PARP8: variants seen among roughly 807,000 people sequenced by gnomAD.
PARP8 encodes protein mono-ADP-ribosyltransferase PARP8.
In PARP8, 51 loss-of-function variants were observed where a neutral mutation model predicts 124.1. The ratio of observed to expected loss-of-function variants is 0.41; its 90% CI spans 0.33 to 0.52. The LOEUF (loss-of-function observed/expected upper bound fraction) is 0.52, where lower values mean the gene tolerates loss of function less well. Among genes scored for constraint, PARP8 ranks in the 20% least tolerant of loss-of-function variants. The probability of loss-of-function intolerance (pLI) is 0.21; values close to 1 mark genes in which losing one functional copy is unlikely to be tolerated. For synonymous variants in PARP8, 391 were observed against 361.5 expected (o/e 1.08, Z -0.93); for missense variants, 860 against 1,018.9 (o/e 0.84, Z 2.12).
At chr5:50,767,297 G>T (rs1296440759) in intron 7 of PARP8, among the ~76,000 whole-genome samples, 2 of 152,114 alleles carry the variant, frequency 1.3e-5, no homozygotes, top group East Asian at 3.9e-4. Flanking sequence ...ATCAAAAAAA[G>T]ATCTTGGATT....
At chr5:50,741,231 T>G (rs1294894189) in intron 2 of PARP8, among the ~76,000 whole-genome samples, 1 of 152,144 alleles carries the variant, frequency 6.6e-6, no homozygotes, top group Non-Finnish European at 1.5e-5. Context: ...GAAATAATAT[T>G]TATATAATTA....
At chr5:50,831,864 A>G (rs1747024873) in intron 22 of PARP8, among the ~76,000 whole-genome samples, 1 of 152,170 alleles carries the variant, frequency 6.6e-6, no homozygotes, top group Non-Finnish European at 1.5e-5. Context: ...ATCTAAAACA[A>G]ATGTAAGAAT....
At chr5:50,754,188 T>TAA in intron 3 of PARP8, among the ~76,000 whole-genome samples, 1 of 128,824 alleles carries the variant, frequency 7.8e-6, no homozygotes, top group Non-Finnish European at 1.6e-5. Flanking sequence ...CACATATATA[T>TAA]ATATTTTATT....
At chr5:50,675,984 A>G (rs1750589496) in intron 2 of PARP8, among the ~76,000 whole-genome samples, 1 of 152,226 alleles carries the variant, frequency 6.6e-6, no homozygotes, top group African/African-American at 2.4e-5. Flanking sequence ...GCATTTCCCA[A>G]ACTGTTTAAT....
intron 2 of PARP8, among the ~76,000 whole-genome samples, chr5:50,681,125 T>C (rs1751244031): frequency 6.6e-6 from 1 of 152,200 alleles, no homozygotes; most frequent in African/African-American, 2.4e-5. Flanking sequence ...TGGATATAAC[T>C]AGAAGAATCA....
intron 2 of PARP8, among the ~76,000 whole-genome samples, chr5:50,747,423 G>A (rs891995611): frequency 3.3e-5 from 5 of 151,570 alleles, no homozygotes; most frequent in Non-Finnish European, 7.4e-5. Flanking sequence ...ATGAAAATCA[G>A]TTTCAAATAT....
intron 2 of PARP8, among the ~76,000 whole-genome samples, chr5:50,691,661 GTTC>G (rs1234863479): frequency 6.6e-6 from 1 of 152,004 alleles, no homozygotes; most frequent in African/African-American, 2.4e-5. Flanking sequence ...TAACTCTGTT[GTTC>G]TTCTGTAATC....
intron 5 of PARP8, 130 bp downstream of exon 5, chr5:50,760,492 C>A: frequency 1.4e-6 from 1 of 714,146 alleles, no homozygotes; most frequent in Non-Finnish European, 2.0e-6. Context: ...AAGCTAATGG[C>A]TCAGGGGTGT....
chr5:50,843,614 A>T lies in PARP8; in HGVS notation c.*1546A>T, dbSNP rs1312436536. ...TTAATCATTTTGATAGTATCTACTT[A>T]AAGCATTGATCTGTTTTGACTTGTG... On this transcript the variant is annotated 3_prime_UTR_variant, in exon 26 of 26. Transcript: ENST00000281631. 6.6e-6 allele frequency: 1 copy of T among 151,766 alleles called. No homozygotes were observed. The highest frequency in any genetic ancestry group is 1.5e-5 in the Non-Finnish European group (1 of 67,820). The allele number at this position is 151,766 out of a possible 1,614,324, so 9.4% of individuals were successfully genotyped here. A position where few individuals can be genotyped will look rare whatever the true frequency, so the allele number is the denominator to read the frequency against.
intron 2 of PARP8, among the ~76,000 whole-genome samples, chr5:50,674,855 A>G (rs1178921882): frequency 6.6e-6 from 1 of 152,240 alleles, no homozygotes; most frequent in Non-Finnish European, 1.5e-5. Flanking sequence ...TGTTCATTAG[A>G]ATACATAACG....
chr5:50,749,945 T>C (rs759735698), intron 2 of PARP8, among the ~76,000 whole-genome samples: 3 of 152,112 alleles, frequency 2.0e-5, no homozygotes, highest in Non-Finnish European at 4.4e-5. Context: ...CTAAGACCCA[T>C]TTAGACTAAT....
chr5:50,811,984 G>C (rs1167373888), intron 14 of PARP8, among the ~76,000 whole-genome samples: 1 of 152,040 alleles, frequency 6.6e-6, no homozygotes, highest in South Asian at 2.1e-4. Flanking sequence ...AATCCAGTCT[G>C]TCATTGATGG....
At chr5:50,680,160 A>ATAC (rs1388000186) in intron 2 of PARP8, among the ~76,000 whole-genome samples, 2 of 152,282 alleles carry the variant, frequency 1.3e-5, no homozygotes, top group East Asian at 3.9e-4. Flanking sequence ...GGAGTACCAG[A>ATAC]TACTCATTGC....
rs558924820 is a variant in PARP8, at chr5:50,666,992, C to T, written c.-104C>T. 5 of 1,568,230 alleles carry T rather than the reference C, an allele frequency of 3.2e-6. 1 individual carries two copies. In the East Asian group the frequency reaches 1.1e-4, roughly 35 times the overall value. On this transcript the variant is annotated 5_prime_UTR_variant, in exon 1 of 26. Coordinates refer to ENST00000281631, the MANE Select transcript of PARP8 (RefSeq NM_024615.4). ...ACTTCGCCTTCAGCCCCTGCCTCGG[C>T]CAGAGGTTTCATTTTTAACTGAATA... is the stretch of plus-strand genomic sequence containing the variant.
At chr5:50,762,533 G>T (rs1324769803) in intron 6 of PARP8, among the ~76,000 whole-genome samples, 2 of 152,084 alleles carry the variant, frequency 1.3e-5, no homozygotes, top group Non-Finnish European at 2.9e-5. Context: ...TTGAGCAAAT[G>T]TGCTTTATAA....
chr5:50,836,651 G>A (rs1228215965), intron 25 of PARP8, among the ~76,000 whole-genome samples: 3 of 152,090 alleles, frequency 2.0e-5, no homozygotes, highest in Admixed American at 2.0e-4. Flanking sequence ...GAGGATCCTG[G>A]GGGCTCCTAG....
intron 2 of PARP8, among the ~76,000 whole-genome samples, chr5:50,739,906 G>T (rs1426681136): frequency 6.6e-6 from 1 of 150,894 alleles, no homozygotes; most frequent in Middle Eastern, 3.4e-3. Flanking sequence ...CCACCACCAC[G>T]CCTGGCTAAT....
chr5:50,692,486 G>T (rs142954875), intron 2 of PARP8, among the ~76,000 whole-genome samples: 1 of 152,058 alleles, frequency 6.6e-6, no homozygotes, highest in African/African-American at 2.4e-5. Context: ...TTTAAAGGCA[G>T]AAAGAAGCTT....
intron 2 of PARP8, among the ~76,000 whole-genome samples, chr5:50,710,213 C>T (rs1754631806): frequency 6.6e-6 from 1 of 151,738 alleles, no homozygotes; most frequent in Non-Finnish European, 1.5e-5. Flanking sequence ...GAAACAAGCA[C>T]CTTCCATTAG....
Sources: allele counts gnomAD v4.1 joint callset (sites outside exome capture counted in the v4.1 genomes callset), GRCh38; gene constraint gnomAD v4.1.1; transcripts MANE v1.5; gene names NCBI Gene and HGNC (gene_info 2026-07-23, HGNC 2026-07-21).